The following VRK2 variants were observed in gnomAD, a reference collection of about 807,000 sequenced individuals.
VRK2 encodes VRK serine/threonine kinase 2, also known as serine/threonine-protein kinase VRK2.
A neutral mutation model predicts 57.6 loss-of-function variants in VRK2; 60 were observed. That is an observed-to-expected ratio of 1.04 (90% confidence interval 0.85 to 1.29). VRK2 has a LOEUF of 1.29. Among genes scored for constraint, VRK2 ranks in the 50% most tolerant of loss-of-function variants. VRK2 has a pLI of 0.00. For missense variants in VRK2, 705 were observed against 588.1 expected, an observed-to-expected ratio of 1.20 and a Z score of -2.06; for synonymous variants, 231 against 199.2, an observed-to-expected ratio of 1.16 and a Z score of -1.35.
chr2:57,910,804 T>C (rs1258546447), intron 1 of VRK2, among the ~76,000 whole-genome samples: 2 of 152,160 alleles, frequency 1.3e-5, no homozygotes, highest in Non-Finnish European at 2.9e-5. Flanking sequence ...TAAAATACTG[T>C]GAATTAATCC....
chr2:58,015,282 C>T (rs544507473), intron 1 of VRK2, among the ~76,000 whole-genome samples: 151 of 152,126 alleles, frequency 9.9e-4, no homozygotes, highest in Middle Eastern at 3.4e-3. Context: ...TAAATTATTC[C>T]GCTTTTTAAA....
chr2:58,019,166 T>C (rs1673672144), intron 1 of VRK2, among the ~76,000 whole-genome samples: 1 of 152,226 alleles, frequency 6.6e-6, no homozygotes, highest in Non-Finnish European at 1.5e-5. Context: ...ATTTGTGGAA[T>C]TAACTGCTGA....
At chr2:57,931,536 G>A (rs370952461) in intron 1 of VRK2, among the ~76,000 whole-genome samples, 31 of 152,122 alleles carry the variant, frequency 2.0e-4, no homozygotes, top group Middle Eastern at 3.4e-3. Flanking sequence ...TCAGGTATAC[G>A]GTTTGCAAAT....
chr2:58,122,966 C>A (rs910445110), intron 7 of VRK2, 135 bp from the exon 8 acceptor site: 2 of 1,107,804 alleles, frequency 1.8e-6, no homozygotes, highest in African/African-American at 1.6e-5. Context: ...CATATTTTAT[C>A]CTAAGGCACC....
chr2:58,002,851 T>C (rs1673131669), intron 1 of VRK2, among the ~76,000 whole-genome samples: 1 of 152,218 alleles, frequency 6.6e-6, no homozygotes, highest in African/African-American at 2.4e-5. Context: ...GCATGCTTCA[T>C]TTTGTGTTTG....
chr2:58,149,461 CAT>C (rs1169864886), intron 12 of VRK2, among the ~76,000 whole-genome samples: 1 of 151,636 alleles, frequency 6.6e-6, no homozygotes, highest in African/African-American at 2.4e-5. Flanking sequence ...GGACTTTCTA[CAT>C]AGTTAATGAT....
chr2:58,016,926 C>T (rs539914948), intron 1 of VRK2, among the ~76,000 whole-genome samples: 2 of 152,232 alleles, frequency 1.3e-5, no homozygotes, highest in South Asian at 2.1e-4. Context: ...CTCAACTTTA[C>T]GGAGTCTGAC....
At chr2:58,150,083 A>G (rs1178406906) in intron 12 of VRK2, among the ~76,000 whole-genome samples, 1 of 149,472 alleles carries the variant, frequency 6.7e-6, no homozygotes, top group Non-Finnish European at 1.5e-5. Context: ...GAGCAGCTGT[A>G]ATTTTCTTTT....
At chr2:57,957,609 T>C (rs957339044) in intron 1 of VRK2, among the ~76,000 whole-genome samples, 2 of 146,672 alleles carry the variant, frequency 1.4e-5, no homozygotes, top group African/African-American at 2.5e-5. Flanking sequence ...TAGATATATA[T>C]ACTATATTAT....
chr2:57,921,285 C>T (rs1023875621), intron 1 of VRK2, among the ~76,000 whole-genome samples: 9 of 94,126 alleles, frequency 9.6e-5, no homozygotes, highest in South Asian at 3.1e-4. Context: ...TTCTTAAGCG[C>T]GCACACACAC....
At chr2:57,975,956 C>G (rs1413281764) in intron 1 of VRK2, among the ~76,000 whole-genome samples, 1 of 151,940 alleles carries the variant, frequency 6.6e-6, no homozygotes, top group Non-Finnish European at 1.5e-5. Context: ...GTCTGTTGTT[C>G]CCGTTTGTGT....
chr2:58,155,863 C>G (rs1474504060), intron 12 of VRK2, among the ~76,000 whole-genome samples: 1 of 150,204 alleles, frequency 6.7e-6, no homozygotes, highest in Non-Finnish European at 1.5e-5. Flanking sequence ...AAGATTCTGT[C>G]CTGTAGACCT....
chr2:58,063,286 A>G (rs1428173227), intron 2 of VRK2, among the ~76,000 whole-genome samples: 1 of 145,212 alleles, frequency 6.9e-6, no homozygotes, highest in Non-Finnish European at 1.5e-5. Flanking sequence ...ACTGTCCCTC[A>G]CCTATTTTGG....
intron 3 of VRK2, among the ~76,000 whole-genome samples, chr2:58,040,163 G>T (rs1258136674): frequency 6.6e-6 from 1 of 152,022 alleles, no homozygotes; most frequent in African/African-American, 2.4e-5. Flanking sequence ...ATAATAAATA[G>T]ATTTAAATAT....
At chr2:58,014,639 G>A (rs1233093684) in intron 1 of VRK2, among the ~76,000 whole-genome samples, 1 of 152,110 alleles carries the variant, frequency 6.6e-6, no homozygotes, top group Non-Finnish European at 1.5e-5. Context: ...TATGCTTTGG[G>A]TACTTAGATA....
intron 7 of VRK2, among the ~76,000 whole-genome samples, chr2:58,090,703 A>G (rs1039292955): frequency 5.3e-5 from 8 of 152,208 alleles, no homozygotes; most frequent in African/African-American, 1.2e-4. Context: ...AGTTGTGCTC[A>G]TTAGTATTTA....
At chr2:58,089,752 G>A in intron 7 of VRK2, 29 bp downstream of exon 7, 2 of 1,476,138 alleles carry the variant, frequency 1.4e-6, no homozygotes, top group Non-Finnish European at 1.9e-6. Flanking sequence ...TTTTAATAAA[G>A]GTCTTTAATG....
intron 1 of VRK2, 80 bp from the exon 2 acceptor site, chr2:58,048,747 A>G (rs1056133185): frequency 1.2e-5 from 18 of 1,542,140 alleles, no homozygotes; most frequent in Non-Finnish European, 1.3e-5. Flanking sequence ...CCTATTGAAG[A>G]CATTTTGGGA....
intron 3 of VRK2, 138 bp downstream of exon 3, chr2:58,084,276 A>G: frequency 2.4e-6 from 2 of 843,612 alleles, no homozygotes; most frequent in South Asian, 2.6e-5. Context: ...TGACGTTGTT[A>G]AAACATTAAA....
Sources: gnomAD v4.1 joint callset for allele counts (sites outside exome capture counted in the v4.1 genomes callset) on GRCh38, gnomAD v4.1.1 for gene constraint, MANE v1.5 for transcripts, NCBI Gene and HGNC (gene_info 2026-07-23, HGNC 2026-07-21) for gene names.